RREB1: variants seen among roughly 807,000 people sequenced by gnomAD.
RREB1 encodes ras-responsive element-binding protein 1.
Under a neutral mutation model 117.8 loss-of-function variants are expected in RREB1, and 27 were observed. The observed-to-expected ratio is 0.23, with a 90% CI of 0.17 to 0.32. RREB1 has a LOEUF of 0.32. Ranked by LOEUF, RREB1 falls within the 10% of genes least tolerant of loss-of-function variation. RREB1 has a pLI of 1.00. For missense variants in RREB1, 2,577 were observed against 2,378.2 expected (o/e 1.08, Z -1.74); for synonymous variants, 1,298 against 1,026.7 (o/e 1.26, Z -5.05).
chr6:7,136,719 A>G (rs1455838683), intron 1 of RREB1, among the ~76,000 whole-genome samples: 5 of 152,248 alleles, frequency 3.3e-5, no homozygotes, highest in Non-Finnish European at 7.3e-5. Context: ...AACAGCCTCT[A>G]AAGACATTTA....
intron 6 of RREB1, among the ~76,000 whole-genome samples, chr6:7,191,448 T>C (rs1765401743): frequency 6.6e-6 from 1 of 152,220 alleles, no homozygotes; most frequent in Non-Finnish European, 1.5e-5. Flanking sequence ...CGACATTTTG[T>C]GTGGGCCTGT....
chr6:7,241,210 C>G (rs1019364499), intron 11 of RREB1, among the ~76,000 whole-genome samples: 1 of 152,166 alleles, frequency 6.6e-6, no homozygotes, highest in African/African-American at 2.4e-5. Flanking sequence ...TGCTTCCTCC[C>G]TCCAGCACCC....
chr6:7,168,965 A>G (rs1044635926), intron 1 of RREB1, among the ~76,000 whole-genome samples: 2 of 152,248 alleles, frequency 1.3e-5, no homozygotes, highest in African/African-American at 2.4e-5. Flanking sequence ...AGTGCCTAGC[A>G]TATTTCTAGC....
intron 1 of RREB1, among the ~76,000 whole-genome samples, chr6:7,153,362 T>C (rs139544119): frequency 1.3e-5 from 2 of 151,736 alleles, no homozygotes; most frequent in African/African-American, 4.8e-5. Flanking sequence ...TGAAACCCTT[T>C]ACTCTTGCTC....
chr6:7,143,105 G>C (rs762814328), intron 1 of RREB1, among the ~76,000 whole-genome samples: 4 of 152,210 alleles, frequency 2.6e-5, no homozygotes, highest in Non-Finnish European at 5.9e-5. Context: ...CAGCTAAAAG[G>C]GTTAGGAAAT....
chr6:7,181,475 G>C lies in RREB1; in HGVS notation c.-43+229G>C, dbSNP rs1246929124. ...TGATGTTTCTCATCACTAGTTTTAGGTCTGGAACATTTGTGTAGTAGTGAA... is the reference window on the plus strand; with the variant it reads ...TGATGTTTCTCATCACTAGTTTTAGCTCTGGAACATTTGTGTAGTAGTGAA... On this transcript the variant is annotated intron_variant, in intron 3 of 12. Transcript: ENST00000379938. 24 of 427,726 alleles carry C rather than the reference G, an allele frequency of 5.6e-5. No individual in the cohort carries two copies. In the East Asian group the frequency reaches 8.5e-4, roughly 15 times the overall value. The allele number at this position is 427,726 out of a possible 1,614,324, so 26.5% of individuals were successfully genotyped here. A position where few individuals can be genotyped will look rare whatever the true frequency, so the allele number is the denominator to read the frequency against.
chr6:7,147,575 C>T (rs534274076), intron 1 of RREB1, among the ~76,000 whole-genome samples: 45 of 152,174 alleles, frequency 3.0e-4, no homozygotes, highest in Non-Finnish European at 5.6e-4. Context: ...TGAATTATAT[C>T]TGACTGTGTG....
rs1764767725 is a variant in RREB1 at position 7,181,013 on chromosome 6, T to C, written c.-165-111T>C. ...GGCAGACATTGCCTCTCATTTGTGC[T>C]CCTTGCATTGTTGTGAATATAGTGG... On this transcript the variant is annotated intron_variant, in intron 2 of 12. Coordinates refer to ENST00000379938, the MANE Select transcript of RREB1 (RefSeq NM_001003699.4). The C allele has an allele frequency of 7.6e-6, 3 of 394,382 alleles. 1 individual carries two copies. The East Asian group carries it at 1.1e-4, about 14-fold the overall frequency. The allele number at this position is 394,382 out of a possible 1,614,324, so 24.4% of individuals were successfully genotyped here. A position where few individuals can be genotyped will look rare whatever the true frequency, so the allele number is the denominator to read the frequency against.
intron 1 of RREB1, among the ~76,000 whole-genome samples, chr6:7,128,038 C>A (rs1158800390): frequency 6.6e-6 from 1 of 152,086 alleles, no homozygotes; most frequent in Non-Finnish European, 1.5e-5. Context: ...CTTGTACTCT[C>A]AGGTTTTCAG....
intron 12 of RREB1, among the ~76,000 whole-genome samples, chr6:7,247,628 C>T (rs1455451069): frequency 1.3e-5 from 2 of 152,110 alleles, no homozygotes; most frequent in African/African-American, 4.8e-5. Context: ...TGCCCCAGGC[C>T]GCTGTGGGGC....
chr6:7,178,461 C>T (rs780302279), intron 2 of RREB1, among the ~76,000 whole-genome samples: 31 of 152,142 alleles, frequency 2.0e-4, no homozygotes, highest in Admixed American at 1.3e-4. Context: ...TAGAAGAGCC[C>T]GCATGTTATG....
chr6:7,224,012 G>C (rs1365808522), intron 8 of RREB1, among the ~76,000 whole-genome samples: 2 of 151,064 alleles, frequency 1.3e-5, no homozygotes, highest in Non-Finnish European at 2.9e-5. Context: ...GAAAGGCTTA[G>C]TTACAGTGCA....
chr6:7,156,607 T>C (rs1763375698), intron 1 of RREB1, among the ~76,000 whole-genome samples: 1 of 152,212 alleles, frequency 6.6e-6, no homozygotes, highest in African/African-American at 2.4e-5. Flanking sequence ...AAACAAATTT[T>C]TTCTCCTTTT....
At chr6:7,147,275 T>C (rs1338830348) in intron 1 of RREB1, among the ~76,000 whole-genome samples, 1 of 152,136 alleles carries the variant, frequency 6.6e-6, no homozygotes, top group East Asian at 1.9e-4. Context: ...AGGAAAGAAA[T>C]GTAGTTGTTT....
In RREB1 at chr6:7,181,236, A is replaced by G. The variant is rs1764777915; in HGVS notation, c.-53A>G. The G allele has an allele frequency of 2.5e-6, 1 of 398,990 alleles. No individual in the cohort carries two copies. The highest frequency in any genetic ancestry group is 4.4e-6 in the Non-Finnish European group (1 of 226,352). 24.7% of individuals were successfully genotyped at this position (398,990 alleles called of 1,614,324 possible). On this transcript the variant is annotated 5_prime_UTR_variant, in exon 3 of 13. Coordinates refer to ENST00000379938, the MANE Select transcript of RREB1 (RefSeq NM_001003699.4). ...AAGTTTCATAGTCTATCAGTGGGTC[A>G]GAAAATGGAGGTAATCAGCAGTGTG... is the stretch of plus-strand genomic sequence containing the variant.
At chr6:7,108,454 C>A (rs1462678692) in intron 1 of RREB1, among the ~76,000 whole-genome samples, 1 of 152,020 alleles carries the variant, frequency 6.6e-6, no homozygotes, top group Non-Finnish European at 1.5e-5. Context: ...ATTAGCCGTC[C>A]GAGCGCAGGA....
chr6:7,225,090 A>C (rs1767506102), intron 8 of RREB1, among the ~76,000 whole-genome samples: 1 of 152,192 alleles, frequency 6.6e-6, no homozygotes, highest in South Asian at 2.1e-4. Context: ...TGACTTCGTT[A>C]TCTCTTTATT....
At chr6:7,129,510 C>G (rs1447275561) in intron 1 of RREB1, among the ~76,000 whole-genome samples, 1 of 152,162 alleles carries the variant, frequency 6.6e-6, no homozygotes, top group Non-Finnish European at 1.5e-5. Context: ...TGCTTTTTGG[C>G]CTGAGGCAGA....
At chr6:7,234,003 C>G (rs1355415947) in intron 10 of RREB1, among the ~76,000 whole-genome samples, 2 of 151,884 alleles carry the variant, frequency 1.3e-5, no homozygotes, top group Non-Finnish European at 2.9e-5. Flanking sequence ...GTGGTGGGTC[C>G]TTGAATCCAG....
Sources: gnomAD v4.1 joint callset for allele counts (sites outside exome capture counted in the v4.1 genomes callset) on GRCh38, gnomAD v4.1.1 for gene constraint, MANE v1.5 for transcripts, NCBI Gene and HGNC (gene_info 2026-07-23, HGNC 2026-07-21) for gene names.